The following CPO variants were observed in gnomAD, a reference collection of about 807,000 sequenced individuals.
CPO encodes metallocarboxypeptidase C.
Under a neutral mutation model 41.2 loss-of-function variants are expected in CPO, and 43 were observed. That is an observed-to-expected ratio of 1.04 (90% CI 0.82 to 1.35). The LOEUF (loss-of-function observed/expected upper bound fraction) is 1.35, where lower values mean the gene tolerates loss of function less well. Among genes scored for constraint, CPO ranks in the 40% most tolerant of loss-of-function variants. The pLI is 0.00. For missense variants in CPO, 408 were observed against 451.7 expected (o/e 0.90, Z 0.88); for synonymous variants, 178 against 162.7 (o/e 1.09, Z -0.72).
chr2:206,950,555 TGAC>T, intron 2 of CPO, among the ~76,000 whole-genome samples: 1 of 152,300 alleles, frequency 6.6e-6, no homozygotes, highest in Admixed American at 6.5e-5. Flanking sequence ...AAATACTATT[TGAC>T]CCAGCAATCC....
At chr2:206,955,365 A>G (rs1174354483) in intron 2 of CPO, 98 bp from the exon 3 acceptor site, 3 of 781,540 alleles carry the variant, frequency 3.8e-6, no homozygotes, top group Non-Finnish European at 7.0e-6. Flanking sequence ...AGCAAAGATA[A>G]CAGAGTTCAA....
chr2:206,961,065 C>T (rs1693469911), intron 6 of CPO, 123 bp downstream of exon 6: 4 of 716,236 alleles, frequency 5.6e-6, no homozygotes, highest in Non-Finnish European at 9.8e-6. Context: ...TCTGGGCTTC[C>T]TAATGAGTTT....
At chr2:206,960,270 TG>T (rs1269744700) in intron 5 of CPO, among the ~76,000 whole-genome samples, 1 of 152,200 alleles carries the variant, frequency 6.6e-6, no homozygotes, top group Non-Finnish European at 1.5e-5. Context: ...CTAGAGAGTA[TG>T]CATTGCCTCC....
At chr2:206,941,145 AACT>A (rs1184790411) in intron 1 of CPO, among the ~76,000 whole-genome samples, 1 of 146,676 alleles carries the variant, frequency 6.8e-6, no homozygotes, top group African/African-American at 2.4e-5. Context: ...TGAGGAAATA[AACT>A]AAAGTCTGAA....
intron 1 of CPO, among the ~76,000 whole-genome samples, chr2:206,947,477 T>C (rs986730489): frequency 1.3e-5 from 2 of 152,154 alleles, no homozygotes; most frequent in African/African-American, 4.8e-5. Context: ...AAAACCTAGA[T>C]GACTATGGGT....
chr2:206,965,318 G>C (rs1200928700), intron 7 of CPO, among the ~76,000 whole-genome samples: 119 of 152,246 alleles, frequency 7.8e-4, no homozygotes, highest in Non-Finnish European at 9.6e-4. Context: ...GGCAAGCTTT[G>C]ATAGAGTGCG....
chr2:206,966,299 A>G (rs897230127), intron 7 of CPO, among the ~76,000 whole-genome samples: 2 of 152,132 alleles, frequency 1.3e-5, no homozygotes, highest in Non-Finnish European at 2.9e-5. Flanking sequence ...TGATGCATAT[A>G]TCCCAATGAA....
intron 5 of CPO, among the ~76,000 whole-genome samples, chr2:206,960,537 C>G (rs1387410493): frequency 1.3e-5 from 2 of 152,218 alleles, no homozygotes; most frequent in Non-Finnish European, 2.9e-5. Context: ...GACTCCAAAG[C>G]AAACGTTCCC....
At chr2:206,941,572 G>T (rs1319479706) in intron 1 of CPO, among the ~76,000 whole-genome samples, 1 of 152,086 alleles carries the variant, frequency 6.6e-6, no homozygotes, top group African/African-American at 2.4e-5. Context: ...GGCTCAGGCA[G>T]TGGGACTCAG....
intron 6 of CPO, among the ~76,000 whole-genome samples, chr2:206,961,589 T>C (rs1693479151): frequency 6.6e-6 from 1 of 152,174 alleles, no homozygotes; most frequent in South Asian, 2.1e-4. Context: ...GCACAGTACC[T>C]AGCAGATAGG....
chr2:206,962,716 G>A, intron 7 of CPO, 102 bp downstream of exon 7: 1 of 895,336 alleles, frequency 1.1e-6, no homozygotes, highest in African/African-American at 1.7e-5. Context: ...CCACCCTTTT[G>A]TTCTCTCTGC....
rs537273230 is a variant in CPO at position 206,949,729 on chromosome 2, T to C, written c.165+16T>C. The C allele has an allele frequency of 6.4e-7, 1 of 1,551,372 alleles. No homozygotes were observed. The highest frequency in any genetic ancestry group is 1.1e-5 in the South Asian group (1 of 89,622). On this transcript the variant is annotated intron_variant, in intron 2 of 8. Coordinates refer to ENST00000272852, the MANE Select transcript of CPO (RefSeq NM_173077.3). ...CATGGGAGAGGTAAGGAAGGACACA[T>C]GGCAGGAGGTTGGTGGTTGTCACAA...
At position 206,956,389 on chromosome 2, in the gene CPO, G is replaced by C. The variant is rs1401351207; in HGVS notation, c.267+825G>C. 4.0e-5 allele frequency among the ~76,000 whole-genome samples: 6 copies of C among 150,116 alleles called. No individual in the cohort carries two copies. In the Admixed American group the frequency reaches 4.0e-4, roughly 10 times the overall value. On this transcript the variant is annotated intron_variant, in intron 3 of 8. Transcript: ENST00000272852. ...CTGCACCAAACCAGTGGTTTTCAAAGGGCAGCACTTAAATCATCATCATCA... is the reference window on the plus strand; with the variant it reads ...CTGCACCAAACCAGTGGTTTTCAAACGGCAGCACTTAAATCATCATCATCA...
chr2:206,967,311 T>G (rs1473284622), intron 7 of CPO, among the ~76,000 whole-genome samples: 3 of 150,296 alleles, frequency 2.0e-5, no homozygotes, highest in Middle Eastern at 6.5e-3. Flanking sequence ...GGGATGGGTA[T>G]GACTTCCAGC....
intron 7 of CPO, among the ~76,000 whole-genome samples, chr2:206,967,211 G>T (rs1693590199): frequency 6.6e-6 from 1 of 151,998 alleles, no homozygotes; most frequent in Admixed American, 6.6e-5. Flanking sequence ...TGCAACAGAA[G>T]GTCAATAAGC....
chr2:206,958,734 T>TG (rs1172189977), intron 4 of CPO, among the ~76,000 whole-genome samples: 68 of 138,628 alleles, frequency 4.9e-4, no homozygotes, highest in African/African-American at 1.7e-3. Flanking sequence ...TCTAGTTTTT[T>TG]TTTTTTTTTT....
chr2:206,959,788 T>C, intron 5 of CPO, 47 bp downstream of exon 5: 1 of 827,174 alleles, frequency 1.2e-6, no homozygotes, highest in African/African-American at 1.7e-5. Context: ...GAACTAAAGC[T>C]CAATTCAGGT....
intron 7 of CPO, 66 bp downstream of exon 7, chr2:206,962,680 T>G (rs1019350879): frequency 7.4e-7 from 1 of 1,354,036 alleles, no homozygotes; most frequent in African/African-American, 1.4e-5. Context: ...TTTTTCTGAT[T>G]TCCATTTCCA....
intron 1 of CPO, among the ~76,000 whole-genome samples, chr2:206,945,993 A>G (rs1394646631): frequency 6.6e-6 from 1 of 151,846 alleles, no homozygotes; most frequent in Non-Finnish European, 1.5e-5. Flanking sequence ...AAAGATAGTT[A>G]ATAATCTTCT....
Sources: allele counts gnomAD v4.1 joint callset (sites outside exome capture counted in the v4.1 genomes callset), GRCh38; gene constraint gnomAD v4.1.1; transcripts MANE v1.5; gene names NCBI Gene and HGNC (gene_info 2026-07-23, HGNC 2026-07-21).